Variants in PLCB1 observed in about 807,000 individuals in gnomAD.
PLCB1 encodes 1-phosphatidylinositol 4,5-bisphosphate phosphodiesterase beta-1.
In PLCB1, 46 loss-of-function variants were observed where a neutral mutation model predicts 161.8. The ratio of observed to expected loss-of-function variants is 0.28; its 90% CI spans 0.22 to 0.36. The LOEUF is 0.36. Among genes scored for constraint, PLCB1 ranks in the 10% least tolerant of loss-of-function variants. The pLI, the probability that PLCB1 is intolerant of heterozygous loss-of-function variation, is 1.00. For missense variants in PLCB1, 1,016 were observed against 1,472.5 expected (o/e 0.69, Z 5.07); for synonymous variants, 517 against 503.7 (o/e 1.03, Z -0.35).
At chr20:8,295,667 T>TTAGC (rs1388571500) in intron 2 of PLCB1, among the ~76,000 whole-genome samples, 1 of 152,164 alleles carries the variant, frequency 6.6e-6, no homozygotes, top group Non-Finnish European at 1.5e-5. Flanking sequence ...CCAAAGGATA[T>TTAGC]TAGCTATCAT....
chr20:8,430,090 G>A (rs1269863384), intron 3 of PLCB1, among the ~76,000 whole-genome samples: 3 of 151,984 alleles, frequency 2.0e-5, no homozygotes, highest in Non-Finnish European at 4.4e-5. Flanking sequence ...TCTGAATGCT[G>A]GAGTAAAGCC....
chr20:8,414,293 T>G (rs1006754626), intron 3 of PLCB1, among the ~76,000 whole-genome samples: 5 of 152,146 alleles, frequency 3.3e-5, no homozygotes, highest in Non-Finnish European at 7.4e-5. Flanking sequence ...AAAGAGGACA[T>G]ATAAGCCATA....
At chr20:8,292,357 T>C (rs1600291773) in intron 2 of PLCB1, among the ~76,000 whole-genome samples, 1 of 152,118 alleles carries the variant, frequency 6.6e-6, no homozygotes, top group Non-Finnish European at 1.5e-5. Flanking sequence ...TCAAGCACAG[T>C]TGTGCTTTTT....
At chr20:8,410,747 G>T (rs1979006943) in intron 3 of PLCB1, among the ~76,000 whole-genome samples, 1 of 152,092 alleles carries the variant, frequency 6.6e-6, no homozygotes, top group Non-Finnish European at 1.5e-5. Context: ...TTGGAAAAAG[G>T]CTCCTTGCAG....
intron 31 of PLCB1, among the ~76,000 whole-genome samples, chr20:8,820,511 G>A (rs143665291): frequency 6.6e-6 from 1 of 152,202 alleles, no homozygotes; most frequent in African/African-American, 2.4e-5. Context: ...GTGCATCTGG[G>A]ACAACTGTAA....
rs11087822 is a variant in PLCB1, at chr20:8,744,619, A to ATAAAATAAAATAAAATTAAAT, written c.2523+3062_2523+3063insTAAATTAAAATAAAATAAAAT. 1.8e-4 allele frequency among the ~76,000 whole-genome samples: 21 copies of ATAAAATAAAATAAAATTAAAT among 119,392 alleles called. No homozygotes were observed. The South Asian group carries it at 5.6e-3, about 32-fold the overall frequency. The allele number at this position is 119,392 out of a possible 152,430, so 78.3% of individuals were successfully genotyped here. On this transcript the variant is annotated intron_variant, in intron 23 of 31. Transcript: ENST00000338037. ...ACCATGTCTCTTAAAAATAAAATAA[A>ATAAAATAAAATAAAATTAAAT]TAAAATAAAATAAAATAAAATAAAA...
At chr20:8,829,131 A>T (rs6039294) in intron 31 of PLCB1, among the ~76,000 whole-genome samples, 43,962 of 152,066 alleles carry the variant, frequency 0.29, 6,529 homozygotes, top group Middle Eastern at 0.41. Flanking sequence ...TCTATATGTG[A>T]AAAGATTTTC....
intron 27 of PLCB1, among the ~76,000 whole-genome samples, chr20:8,776,251 T>G (rs927316108): frequency 2.0e-5 from 3 of 152,244 alleles, no homozygotes; most frequent in African/African-American, 7.2e-5. Flanking sequence ...CAGCCCCATT[T>G]TGCAGATAAA....
intron 3 of PLCB1, among the ~76,000 whole-genome samples, chr20:8,616,064 T>A (rs888685379): frequency 2.5e-4 from 38 of 152,172 alleles, no homozygotes; most frequent in Admixed American, 2.5e-3. Flanking sequence ...ACCCCAAAAC[T>A]GAATCCAACA....
rs780670301 is a variant in PLCB1, at chr20:8,881,858, G to T, written c.*9G>T. 10 of 1,588,478 alleles carry T rather than the reference G, an allele frequency of 6.3e-6. No individual in the cohort carries two copies. The highest frequency in any genetic ancestry group is 1.7e-4 in the Middle Eastern group (1 of 5,996). Reference sequence around the variant, plus strand: ...TTGATACTCCTCTGTGAATGCTCCTGCCAGGCCTTCAGAAATTGCATGGCC... The same window carrying T: ...TTGATACTCCTCTGTGAATGCTCCTTCCAGGCCTTCAGAAATTGCATGGCC... On this transcript the variant is annotated 3_prime_UTR_variant, in exon 32 of 32. Coordinates refer to ENST00000338037, the MANE Select transcript of PLCB1 (RefSeq NM_015192.4).
chr20:8,434,105 G>A (rs1980190384), intron 3 of PLCB1, among the ~76,000 whole-genome samples: 1 of 152,156 alleles, frequency 6.6e-6, no homozygotes, highest in Non-Finnish European at 1.5e-5. Context: ...AAGCACAATA[G>A]GTGTGATTGT....
In PLCB1 at chr20:8,553,544, G is replaced by A. The variant is rs543353836; in HGVS notation, c.247-74750G>A. ...CTTTTCTTGTATGTTCCTGTTGCTC[G>A]TATTTGTACACATACACAGTGAAAG... On this transcript the variant is annotated intron_variant, in intron 3 of 31. Transcript: ENST00000338037. Among the ~76,000 whole-genome samples, 10 of 152,134 alleles carry A rather than the reference G, an allele frequency of 6.6e-5. No individual in the cohort carries two copies. The East Asian group carries it at 9.7e-4, about 15-fold the overall frequency.
At chr20:8,609,460 T>G (rs1259768816) in intron 3 of PLCB1, among the ~76,000 whole-genome samples, 1 of 152,184 alleles carries the variant, frequency 6.6e-6, no homozygotes, top group Non-Finnish European at 1.5e-5. Context: ...AAATGTGTCC[T>G]TCAAAAGCTG....
At chr20:8,171,125 A>T (rs1386622857) in intron 2 of PLCB1, among the ~76,000 whole-genome samples, 1 of 152,202 alleles carries the variant, frequency 6.6e-6, no homozygotes, top group African/African-American at 2.4e-5. Flanking sequence ...CATGCTCTGT[A>T]AATATCAAGT....
intron 2 of PLCB1, among the ~76,000 whole-genome samples, chr20:8,295,724 T>G (rs1983596843): frequency 6.6e-6 from 1 of 152,072 alleles, no homozygotes; most frequent in Non-Finnish European, 1.5e-5. Context: ...TTTTATTATT[T>G]TATTTTTGAG....
intron 2 of PLCB1, among the ~76,000 whole-genome samples, chr20:8,355,533 A>G (rs1986337157): frequency 6.6e-6 from 1 of 152,166 alleles, no homozygotes; most frequent in Non-Finnish European, 1.5e-5. Flanking sequence ...TTAACCTTCC[A>G]TTTGTGAGAA....
chr20:8,141,185 A>G (rs1433820470), intron 1 of PLCB1, among the ~76,000 whole-genome samples: 3 of 152,254 alleles, frequency 2.0e-5, no homozygotes, highest in Non-Finnish European at 4.4e-5. Context: ...TTTAGGATTC[A>G]TACATATGAA....
intron 31 of PLCB1, among the ~76,000 whole-genome samples, chr20:8,824,251 G>A (rs945234334): frequency 1.1e-4 from 17 of 152,204 alleles, no homozygotes; most frequent in East Asian, 1.9e-4. Context: ...ATGAATCAAT[G>A]TCAGCTGGAT....
chr20:8,663,906 A>AT (rs1187390931), intron 9 of PLCB1, among the ~76,000 whole-genome samples: 2 of 152,210 alleles, frequency 1.3e-5, no homozygotes, highest in Middle Eastern at 3.4e-3. Flanking sequence ...CAAAACAGTT[A>AT]TTTTTTATCA....
Sources: gnomAD v4.1 joint callset for allele counts (sites outside exome capture counted in the v4.1 genomes callset) on GRCh38, gnomAD v4.1.1 for gene constraint, MANE v1.5 for transcripts, NCBI Gene and HGNC (gene_info 2026-07-23, HGNC 2026-07-21) for gene names.